The following XKR7 variants were observed in gnomAD, a reference collection of about 807,000 sequenced individuals.
XKR7 encodes the protein XK related 7.
A neutral mutation model predicts 42.2 loss-of-function variants in XKR7; 11 were observed. That is an observed-to-expected ratio of 0.26 (90% CI 0.16 to 0.43). The LOEUF (loss-of-function observed/expected upper bound fraction) is 0.43. Among genes scored for constraint, XKR7 ranks in the 20% least tolerant of loss-of-function variants. The probability of loss-of-function intolerance (pLI) is 1.00; values close to 1 mark genes in which losing one functional copy is unlikely to be tolerated. For missense variants in XKR7, 710 were observed against 802.2 expected, an observed-to-expected ratio of 0.89 and a Z score of 1.39; for synonymous variants, 346 against 366.4, an observed-to-expected ratio of 0.94 and a Z score of 0.64.
At position 31,998,370 on chromosome 20, in the gene XKR7, A is replaced by G. The variant is rs2122286685; in HGVS notation, c.*913A>G. On this transcript the variant is annotated 3_prime_UTR_variant, in exon 3 of 3. Transcript: ENST00000562532. ...GCTCAAGTGCAGGTGAGGTTTTAGCACAGTTATCAGAGGAACTGATCCAGA... is the reference window on the plus strand; with the variant it reads ...GCTCAAGTGCAGGTGAGGTTTTAGCGCAGTTATCAGAGGAACTGATCCAGA... 1 of 152,292 alleles carries G rather than the reference A, an allele frequency of 6.6e-6. No individual in the cohort carries two copies. The highest frequency in any genetic ancestry group is 1.5e-5 in the Non-Finnish European group (1 of 68,040). 9.4% of individuals were successfully genotyped at this position (152,292 alleles called of 1,614,324 possible).
chr20:31,991,457 A>T (rs1007375262), intron 1 of XKR7, among the ~76,000 whole-genome samples: 1 of 149,432 alleles, frequency 6.7e-6, no homozygotes, highest in Non-Finnish European at 1.5e-5. Flanking sequence ...CCTGTATCCC[A>T]TGCCTTAGCT....
chr20:31,977,303 G>A (rs2064489893), intron 1 of XKR7, among the ~76,000 whole-genome samples: 1 of 152,148 alleles, frequency 6.6e-6, no homozygotes, highest in African/African-American at 2.4e-5. Context: ...TCGCACCTAG[G>A]GTTCAGTTAC....
chr20:31,968,236 G>A lies in XKR7; in HGVS notation c.61G>A (p.Gly21Ser), dbSNP rs2064443681. 1.7e-6 allele frequency: 2 copies of A among 1,146,292 alleles called. No homozygotes were observed. The highest frequency in any genetic ancestry group is 8.3e-5 in the East Asian group (2 of 24,148). 71.0% of individuals were successfully genotyped at this position (1,146,292 alleles called of 1,614,324 possible). A position where few individuals can be genotyped will look rare whatever the true frequency, so the allele number is the denominator to read the frequency against. ...CAGCCCGGACCCGGAGGGGGCTGCC[G>A]GTGGAGCCCGGGGCAGTGCCGGCGG... ...SASPDPEGAA[G>S]GARGSAGGRG... The change falls in exon 1 of 3, where the codon GGT (glycine) becomes AGT (serine). Residue 21 changes from glycine (G) to serine (S), a missense_variant. By Grantham distance (56) the Gly-to-Ser change is moderately conservative. Around this residue, in one of 2 missense-constraint regions of XKR7, gnomAD observed 708 missense variants for 786.2 expected, o/e 0.90. Coordinates refer to ENST00000562532, the MANE Select transcript of XKR7 (RefSeq NM_001011718.2). This position sits in a 1 kb window ranked among gnomAD's most constrained non-coding sequence, Gnocchi z 4.5.
chr20:31,996,674 C>A lies in XKR7; in HGVS notation c.957C>A (p.Leu319=). ...SIAARGLAFA[L]FASVYKLYFG... ...CCGCCCGCGGCCTGGCCTTCGCGCT[C>A]TTCGCCAGCGTCTACAAGCTCTATT... The change falls in exon 3 of 3, where the codon CTC becomes CTA. Residue 319 remains leucine (L), a synonymous_variant. Transcript: ENST00000562532. The A allele has an allele frequency of 6.2e-7, 1 of 1,605,232 alleles. No individual in the cohort carries two copies. Among genetic ancestry groups the A allele is most frequent in the South Asian group, 1.1e-5 (1 of 89,968 alleles).
In XKR7 at chr20:31,997,644, C is replaced by T. The variant is rs970903074; in HGVS notation, c.*187C>T. 2.8e-5 allele frequency: 17 copies of T among 598,568 alleles called. No homozygotes were observed. Among genetic ancestry groups the T allele is most frequent in the East Asian group, 2.6e-4 (9 of 35,214 alleles). 37.1% of individuals were successfully genotyped at this position (598,568 alleles called of 1,614,324 possible). On this transcript the variant is annotated 3_prime_UTR_variant, in exon 3 of 3. Coordinates refer to ENST00000562532, the MANE Select transcript of XKR7 (RefSeq NM_001011718.2). ...TTGCGGAGGCCCCAGCCCTGGGCCC[C>T]GTTTTCAGCCTTGTGGCCCATTCCC...
rs2064448883 is a variant in XKR7, at chr20:31,968,669, C to T, written c.494C>T (p.Ser165Leu). 3 of 1,569,008 alleles carry T rather than the reference C, an allele frequency of 1.9e-6. No individual in the cohort carries two copies. The highest frequency in any genetic ancestry group is 2.6e-6 in the Non-Finnish European group (3 of 1,165,086). Residue 165 changes from serine to leucine, a missense_variant, in exon 1 of 3, where the codon TCG becomes TTG. By Grantham distance (145) the Ser-to-Leu change is moderately radical. This residue lies in a region of XKR7 where 708 missense variants were observed against 786.2 expected (regional missense o/e 0.90). Coordinates refer to ENST00000562532, the MANE Select transcript of XKR7 (RefSeq NM_001011718.2). This position sits in a 1 kb window ranked among gnomAD's most constrained non-coding sequence, Gnocchi z 4.5. Reference sequence around the variant, plus strand: ...CCGGGTCCCCAGCCTGCGCCCTCCTCGGCCAGCGCCTACCGCCGCCGCTGC... The same window carrying T: ...CCGGGTCCCCAGCCTGCGCCCTCCTTGGCCAGCGCCTACCGCCGCCGCTGC... Reference protein sequence around the residue: ...PEPGPQPAPSSASAYRRRCCR... With the variant: ...PEPGPQPAPSLASAYRRRCCR...
intron 1 of XKR7, among the ~76,000 whole-genome samples, chr20:31,987,340 G>A (rs1399991692): frequency 7.0e-6 from 1 of 142,830 alleles, no homozygotes; most frequent in Non-Finnish European, 1.5e-5. Context: ...AGACCACCAA[G>A]CAGACCCAGC....
chr20:31,985,923 A>G, intron 1 of XKR7, among the ~76,000 whole-genome samples: 1 of 141,126 alleles, frequency 7.1e-6, no homozygotes, highest in Non-Finnish European at 1.5e-5. Context: ...AGCATCCAAA[A>G]CACAGACAGA....
chr20:31,975,243 C>T (rs774511401), intron 1 of XKR7, among the ~76,000 whole-genome samples: 4 of 152,102 alleles, frequency 2.6e-5, no homozygotes, highest in Non-Finnish European at 5.9e-5. Flanking sequence ...CCCCCAATCC[C>T]GCCTCCACCT....
At chr20:31,971,065 C>T (rs1242273156) in intron 1 of XKR7, among the ~76,000 whole-genome samples, 1 of 152,178 alleles carries the variant, frequency 6.6e-6, no homozygotes, top group Non-Finnish European at 1.5e-5. Flanking sequence ...GTCCCTCAAG[C>T]TTAAAGAAGT....
At chr20:31,971,101 G>A (rs1165658227) in intron 1 of XKR7, among the ~76,000 whole-genome samples, 2 of 152,212 alleles carry the variant, frequency 1.3e-5, no homozygotes, top group Non-Finnish European at 2.9e-5. Context: ...CAAGATTCCA[G>A]TATGATAGAA....
chr20:31,994,978 G>T, intron 1 of XKR7, 90 bp from the exon 2 acceptor site: 1 of 1,509,968 alleles, frequency 6.6e-7, no homozygotes. Flanking sequence ...GGAGTGACTT[G>T]CCCCCTGCGC....
chr20:31,972,604 C>T (rs1384596984), intron 1 of XKR7, among the ~76,000 whole-genome samples: 1 of 152,192 alleles, frequency 6.6e-6, no homozygotes, highest in Non-Finnish European at 1.5e-5. Flanking sequence ...ATGAATCCTG[C>T]TTTTCCTAAT....
At chr20:31,983,177 T>G (rs1424974356) in intron 1 of XKR7, among the ~76,000 whole-genome samples, 1 of 152,196 alleles carries the variant, frequency 6.6e-6, no homozygotes, top group Non-Finnish European at 1.5e-5. Context: ...ACTCAACAAA[T>G]GACTGTACAT....
intron 1 of XKR7, among the ~76,000 whole-genome samples, chr20:31,984,780 G>A (rs2064529865): frequency 6.6e-6 from 1 of 152,212 alleles, no homozygotes; most frequent in East Asian, 1.9e-4. Flanking sequence ...CACGTAGGCA[G>A]CCGAGGCAAC....
At chr20:31,977,146 C>T (rs1005391689) in intron 1 of XKR7, among the ~76,000 whole-genome samples, 4 of 152,240 alleles carry the variant, frequency 2.6e-5, no homozygotes, top group Non-Finnish European at 5.9e-5. Context: ...GTAGTAGGAA[C>T]AACCCTGGGT....
intron 1 of XKR7, among the ~76,000 whole-genome samples, chr20:31,993,121 C>T (rs2064577044): frequency 6.6e-6 from 1 of 151,994 alleles, no homozygotes; most frequent in Non-Finnish European, 1.5e-5. Context: ...CACACATACA[C>T]ATACACACAC....
chr20:31,992,980 C>A (rs1238369109), intron 1 of XKR7, among the ~76,000 whole-genome samples: 1 of 152,098 alleles, frequency 6.6e-6, no homozygotes, highest in African/African-American at 2.4e-5. Context: ...TCCCAAACAA[C>A]ATCCTGGAAA....
chr20:31,973,678 G>A (rs898217426), intron 1 of XKR7, among the ~76,000 whole-genome samples: 4 of 152,054 alleles, frequency 2.6e-5, no homozygotes, highest in Non-Finnish European at 4.4e-5. Flanking sequence ...AAAAGGGAAG[G>A]GCAAGGAGAA....
Sources: allele counts gnomAD v4.1 joint callset (sites outside exome capture counted in the v4.1 genomes callset), GRCh38; gene constraint gnomAD v4.1.1; regional missense constraint gnomAD v4.1.1; non-coding constraint Gnocchi (gnomAD v3.1); transcripts MANE v1.5; gene names NCBI Gene and HGNC (gene_info 2026-07-23, HGNC 2026-07-21).